ZFHX3: variants seen among roughly 807,000 people sequenced by gnomAD.
ZFHX3 encodes the protein zinc finger homeobox 3, also known as zinc finger homeobox protein 3.
In ZFHX3, 42 loss-of-function variants were observed where a neutral mutation model predicts 279.1. That is an observed-to-expected ratio of 0.15 (90% CI 0.12 to 0.19). ZFHX3 has a LOEUF of 0.19. ZFHX3 is among the 10% of genes least tolerant of loss of function. ZFHX3 has a pLI of 1.00. For missense variants in ZFHX3, 4,981 were observed against 4,754.0 expected (o/e 1.05, Z -1.40); for synonymous variants, 2,293 against 1,957.8 (o/e 1.17, Z -4.52).
intron 2 of ZFHX3, among the ~76,000 whole-genome samples, chr16:73,545,746 C>T (rs1464292919): frequency 6.7e-6 from 1 of 148,688 alleles, no homozygotes. Flanking sequence ...TGCCAAAGAA[C>T]AGGTCAGGAA....
chr16:73,796,768 T>C (rs1037586486), intron 1 of ZFHX3, among the ~76,000 whole-genome samples: 1 of 152,064 alleles, frequency 6.6e-6, no homozygotes, highest in Admixed American at 6.5e-5. Flanking sequence ...CATAAAGAGA[T>C]GGCAAAGGGG....
At chr16:73,178,825 T>C (rs151296916) in intron 5 of ZFHX3, among the ~76,000 whole-genome samples, 57 of 152,192 alleles carry the variant, frequency 3.7e-4, no homozygotes, top group Middle Eastern at 6.8e-3. Context: ...AGTGAGTCAG[T>C]TCCATCCCAT....
intron 2 of ZFHX3, among the ~76,000 whole-genome samples, chr16:73,569,127 T>C (rs1340214823): frequency 2.0e-5 from 3 of 152,104 alleles, no homozygotes; most frequent in Non-Finnish European, 4.4e-5. Context: ...CTCCACCCTC[T>C]ATCTCAGAAT....
Position 72,950,958 on chromosome 16 carries a change from A to G in ZFHX3, c.2727T>C (p.Gly909=), listed in dbSNP as rs752732802. 1 of 1,611,042 alleles carries G rather than the reference A, an allele frequency of 6.2e-7. No individual in the cohort carries two copies. The highest frequency in any genetic ancestry group is 1.3e-5 in the African/African-American group (1 of 74,912). ...CGAGCCGCATGTCTAGGGGGATCTC[A>G]CCGCCCACTGCAGGGAAGGAGAGAA... ...MAAMTPALVG[G]EIPLDMRLGG... The change falls in exon 3 of 10, where the codon GGT becomes GGC. Residue 909 remains glycine, a synonymous_variant. Coordinates refer to ENST00000268489, the MANE Select transcript of ZFHX3 (RefSeq NM_006885.4).
At chr16:73,543,173 T>G (rs1232319944) in intron 2 of ZFHX3, among the ~76,000 whole-genome samples, 1 of 152,192 alleles carries the variant, frequency 6.6e-6, no homozygotes, top group Non-Finnish European at 1.5e-5. Flanking sequence ...GGTTTATGAC[T>G]TCATTAGAAT....
In ZFHX3 at chr16:72,783,004, T is replaced by C. The variant is rs1390074806; in HGVS notation, c.*4160A>G. On this transcript the variant is annotated 3_prime_UTR_variant, in exon 10 of 10. Coordinates refer to ENST00000268489, the MANE Select transcript of ZFHX3 (RefSeq NM_006885.4). Reference sequence around the variant, plus strand: ...TCAACTTAACTATGACAACAAAGTTTTTGTGACAAATTTTTTTTTCAGTTT... The same window carrying C: ...TCAACTTAACTATGACAACAAAGTTCTTGTGACAAATTTTTTTTTCAGTTT... 1.3e-5 allele frequency: 2 copies of C among 152,634 alleles called. No individual in the cohort carries two copies. Among genetic ancestry groups the C allele is most frequent in the East Asian group, 3.8e-4 (2 of 5,198 alleles). The allele number at this position is 152,634 out of a possible 1,614,324, so 9.5% of individuals were successfully genotyped here.
chr16:73,710,125 G>T (rs2053344397), intron 1 of ZFHX3, among the ~76,000 whole-genome samples: 1 of 152,178 alleles, frequency 6.6e-6, no homozygotes, highest in Non-Finnish European at 1.5e-5. Flanking sequence ...GGACGTTGCA[G>T]TGAGTTGTGC....
intron 1 of ZFHX3, among the ~76,000 whole-genome samples, chr16:73,690,174 C>T (rs982695282): frequency 1.3e-5 from 2 of 152,152 alleles, no homozygotes; most frequent in Non-Finnish European, 2.9e-5. Flanking sequence ...ACCTCGGCCT[C>T]CCAAAGTGCT....
intron 4 of ZFHX3, among the ~76,000 whole-genome samples, chr16:72,858,618 C>T (rs1223051343): frequency 1.3e-5 from 2 of 152,204 alleles, no homozygotes; most frequent in Non-Finnish European, 2.9e-5. Context: ...TTTTAATGCT[C>T]ATAAGACTGC....
At chr16:73,531,986 G>T (rs2019812344) in intron 2 of ZFHX3, among the ~76,000 whole-genome samples, 1 of 151,964 alleles carries the variant, frequency 6.6e-6, no homozygotes, top group Non-Finnish European at 1.5e-5. Context: ...TACTTGGAAG[G>T]CTGAAGTGGG....
At chr16:73,661,382 C>T (rs1645438844) in intron 2 of ZFHX3, among the ~76,000 whole-genome samples, 1 of 152,132 alleles carries the variant, frequency 6.6e-6, no homozygotes, top group Admixed American at 6.5e-5. Context: ...GAAAGGAGTT[C>T]AACAGTTGGA....
chr16:73,484,939 G>T (rs377324732), intron 2 of ZFHX3, among the ~76,000 whole-genome samples: 3 of 151,452 alleles, frequency 2.0e-5, no homozygotes, highest in African/African-American at 7.3e-5. Context: ...CCACATACTC[G>T]CCTTTAGAAC....
Position 72,931,302 on chromosome 16 carries a change from G to A in ZFHX3, c.3216+19167C>T, listed in dbSNP as rs182861079. On this transcript the variant is annotated intron_variant, in intron 3 of 9. Coordinates refer to ENST00000268489, the MANE Select transcript of ZFHX3 (RefSeq NM_006885.4). ...CGTTTCAGATGTTAAAGACGGTTTC[G>A]CATTAAGTTCTCCTTCTTTCAAATC... 1.0e-3 allele frequency among the ~76,000 whole-genome samples: 159 copies of A among 151,978 alleles called. No homozygotes were observed. In the Middle Eastern group the frequency reaches 0.027, roughly 26 times the overall value.
chr16:73,456,830 C>A (rs2018380688), intron 2 of ZFHX3, among the ~76,000 whole-genome samples: 1 of 152,190 alleles, frequency 6.6e-6, no homozygotes, highest in Non-Finnish European at 1.5e-5. Context: ...CTACTGAAAA[C>A]CATATGCATG....
At chr16:73,130,898 A>C (rs1966667514) in intron 7 of ZFHX3, 1 of 1,243,142 alleles carries the variant, frequency 8.0e-7, no homozygotes. Flanking sequence ...GTGAGCCAAC[A>C]CGCTGGGCCC....
intron 1 of ZFHX3, among the ~76,000 whole-genome samples, chr16:73,687,866 A>G (rs1309420825): frequency 6.7e-6 from 1 of 150,194 alleles, no homozygotes; most frequent in East Asian, 1.9e-4. Context: ...AAAAAAAAAA[A>G]AAACAGATTT....
chr16:72,921,155 C>T (rs1165913410), intron 3 of ZFHX3, among the ~76,000 whole-genome samples: 1 of 148,660 alleles, frequency 6.7e-6, no homozygotes, highest in Non-Finnish European at 1.5e-5. Flanking sequence ...GGCATTCATT[C>T]ACTTAAGGAC....
intron 2 of ZFHX3, among the ~76,000 whole-genome samples, chr16:73,648,902 T>C (rs1317121023): frequency 6.6e-6 from 1 of 152,208 alleles, no homozygotes; most frequent in Non-Finnish European, 1.5e-5. Context: ...CAACATGGGT[T>C]GATTTTCAAA....
chr16:73,292,168 G>A (rs1453972473), intron 4 of ZFHX3, among the ~76,000 whole-genome samples: 1 of 152,222 alleles, frequency 6.6e-6, no homozygotes, highest in Non-Finnish European at 1.5e-5. Context: ...CACTGCCCAT[G>A]TTAGAAGACA....
Sources: allele counts gnomAD v4.1 joint callset (sites outside exome capture counted in the v4.1 genomes callset), GRCh38; gene constraint gnomAD v4.1.1; transcripts MANE v1.5; gene names NCBI Gene and HGNC (gene_info 2026-07-23, HGNC 2026-07-21).